Variants in MTCL2 observed in about 807,000 individuals in gnomAD.
MTCL2 encodes microtubule crosslinking factor 2.
the MTCL2 span, among the ~76,000 whole-genome samples, chr20:36,809,553 A>G: frequency 2.0e-5 from 3 of 150,212 alleles, no homozygotes; most frequent in Non-Finnish European, 4.4e-5. Flanking sequence ...CTGAAGACTC[A>G]GGTTTCCCTT....
chr20:36,815,651 G>C, the MTCL2 span: 2 of 1,607,634 alleles, frequency 1.2e-6, no homozygotes, highest in South Asian at 2.2e-5. The surrounding 1 kb of genome is among the most constrained non-coding windows in gnomAD (Gnocchi z 5.3). Flanking sequence ...GGTTGGAGAG[G>C]AGCACGCGGT....
the MTCL2 span, chr20:36,797,375 G>A: frequency 2.2e-6 from 2 of 909,166 alleles, no homozygotes; most frequent in Non-Finnish European, 3.3e-6. Context: ...CAGGGCTGAG[G>A]AGCCCAAGGT....
the MTCL2 span, chr20:36,785,995 C>T: frequency 3.0e-6 from 3 of 986,538 alleles, no homozygotes; most frequent in Non-Finnish European, 3.6e-6. Flanking sequence ...CAGGGCTCCA[C>T]CAGGAACCAA....
the MTCL2 span, among the ~76,000 whole-genome samples, chr20:36,821,939 C>T: frequency 1.1e-4 from 17 of 152,238 alleles, no homozygotes; most frequent in African/African-American, 3.6e-4. Context: ...CCCAAGAAGT[C>T]ACCAAACACC....
At chr20:36,808,720 C>T in the MTCL2 span, 5 of 1,600,316 alleles carry the variant, frequency 3.1e-6, no homozygotes, top group African/African-American at 1.3e-5. Flanking sequence ...GCCTCAGGAG[C>T]GCCCTCTGCT....
chr20:36,815,545 G>A, the MTCL2 span: 1 of 1,572,294 alleles, frequency 6.4e-7, no homozygotes, highest in Non-Finnish European at 8.6e-7. This position sits in a 1 kb window ranked among gnomAD's most constrained non-coding sequence, Gnocchi z 5.3. Context: ...GTCTCGCCCA[G>A]GGGAGCAGGC....
the MTCL2 span, chr20:36,786,707 T>TG: frequency 7.1e-7 from 1 of 1,409,186 alleles, no homozygotes; most frequent in East Asian, 2.5e-5. Context: ...ATGAGCTGTG[T>TG]GGTATGCCAG....
chr20:36,849,788 T>G, the MTCL2 span, among the ~76,000 whole-genome samples: 1 of 152,222 alleles, frequency 6.6e-6, no homozygotes, highest in Admixed American at 6.5e-5. Flanking sequence ...CTGGAACCTT[T>G]GCACGTGGCT....
At chr20:36,808,096 C>T in the MTCL2 span, among the ~76,000 whole-genome samples, 2 of 150,392 alleles carry the variant, frequency 1.3e-5, no homozygotes, top group African/African-American at 2.4e-5. Context: ...AGGATGGTCT[C>T]GATCTCCTGA....
At chr20:36,863,257 T>C in the MTCL2 span, 7 of 1,195,282 alleles carry the variant, frequency 5.9e-6, no homozygotes, top group Non-Finnish European at 7.3e-6. This position sits in a 1 kb window ranked among gnomAD's most constrained non-coding sequence, Gnocchi z 6.2. Flanking sequence ...GCGCGGTGGC[T>C]CTTTTTCCTC....
the MTCL2 span, chr20:36,794,338 C>A: frequency 6.3e-7 from 1 of 1,586,176 alleles, no homozygotes. The surrounding 1 kb of genome is among the most constrained non-coding windows in gnomAD (Gnocchi z 5.4). Flanking sequence ...CTCGGATGCC[C>A]GTCTTGTCAG....
chr20:36,786,634 C>T, the MTCL2 span: 21 of 1,548,758 alleles, frequency 1.4e-5, no homozygotes, highest in East Asian at 2.4e-5. Context: ...TCACAAACAG[C>T]GTCCTAGGAA....
chr20:36,841,038 A>G, the MTCL2 span, among the ~76,000 whole-genome samples: 2 of 151,326 alleles, frequency 1.3e-5, no homozygotes, highest in African/African-American at 2.4e-5. Context: ...GGCTGGGCGC[A>G]GTGGCTCGCA....
chr20:36,852,203 C>T, the MTCL2 span, among the ~76,000 whole-genome samples: 1 of 152,192 alleles, frequency 6.6e-6, no homozygotes, highest in Non-Finnish European at 1.5e-5. Flanking sequence ...TCCGCCTGGC[C>T]CGCCTGCTCC....
At chr20:36,807,725 C>A in the MTCL2 span, among the ~76,000 whole-genome samples, 6 of 152,074 alleles carry the variant, frequency 3.9e-5, no homozygotes, top group African/African-American at 1.2e-4. Flanking sequence ...AGCCTACTCC[C>A]TCTTGTTAAG....
chr20:36,855,642 A>C, the MTCL2 span, among the ~76,000 whole-genome samples: 2 of 152,090 alleles, frequency 1.3e-5, no homozygotes, highest in Non-Finnish European at 2.9e-5. Flanking sequence ...CCCCTTTCCT[A>C]GGGGACTCTC....
the MTCL2 span, among the ~76,000 whole-genome samples, chr20:36,829,513 CTTTTT>C: frequency 2.8e-5 from 3 of 106,520 alleles, no homozygotes; most frequent in Admixed American, 1.1e-4. Flanking sequence ...TTACCTGAGG[CTTTTT>C]TTTTTTTTTT....
the MTCL2 span, chr20:36,794,062 G>A: frequency 6.4e-7 from 1 of 1,551,466 alleles, no homozygotes; most frequent in East Asian, 2.4e-5. This position sits in a 1 kb window ranked among gnomAD's most constrained non-coding sequence, Gnocchi z 5.4. Flanking sequence ...CATCACTCAT[G>A]TTGCCTGACA....
chr20:36,784,094 C>T, the MTCL2 span: 31 of 985,480 alleles, frequency 3.1e-5, no homozygotes, highest in African/African-American at 1.0e-4. Flanking sequence ...TCAGGTCCCA[C>T]GGGGATTTCT....
Sources: allele counts gnomAD v4.1 joint callset (sites outside exome capture counted in the v4.1 genomes callset), GRCh38; gene constraint gnomAD v4.1.1; non-coding constraint Gnocchi (gnomAD v3.1); transcripts MANE v1.5; gene names NCBI Gene and HGNC (gene_info 2026-07-23, HGNC 2026-07-21).